ANO2: variants seen among roughly 807,000 people sequenced by gnomAD.
The protein encoded by ANO2 is anoctamin-2.
ANO2 carries 101 observed loss-of-function variants against 124.2 expected under a neutral mutation model. The ratio of observed to expected loss-of-function variants is 0.81; its 90% CI spans 0.69 to 0.96. The LOEUF (loss-of-function observed/expected upper bound fraction) is 0.96, where lower values mean the gene tolerates loss of function less well. Among genes scored for constraint, ANO2 ranks in the 40% least tolerant of loss-of-function variants. The pLI is 0.00. For missense variants in ANO2, 1,293 were observed against 1,274.5 expected (o/e 1.01, Z -0.22); for synonymous variants, 486 against 482.5 (o/e 1.01, Z -0.09).
chr12:5,614,357 G>T (rs1041262517), intron 17 of ANO2, among the ~76,000 whole-genome samples: 3 of 152,314 alleles, frequency 2.0e-5, no homozygotes, highest in Non-Finnish European at 4.4e-5. Context: ...GGCAGGCCAT[G>T]CCAGAAAGAT....
At chr12:5,650,434 C>T (rs1946863399) in intron 14 of ANO2, among the ~76,000 whole-genome samples, 1 of 152,150 alleles carries the variant, frequency 6.6e-6, no homozygotes, top group African/African-American at 2.4e-5. Context: ...CTGGAAGTCA[C>T]AGCTCCCAAC....
chr12:5,827,863 C>G lies in ANO2; in HGVS notation c.841-43G>C, dbSNP rs780882158. On this transcript the variant is annotated intron_variant, in intron 6 of 24. Transcript: ENST00000682330. Reference sequence around the variant, plus strand: ...CAGAGCTGTGAGCTCCTAGTTCCCCCCCGCCCTCCACCGTGTGTCACCCTC... The same window carrying G: ...CAGAGCTGTGAGCTCCTAGTTCCCCGCCGCCCTCCACCGTGTGTCACCCTC... 5 of 1,584,780 alleles carry G rather than the reference C, an allele frequency of 3.2e-6. No homozygotes were observed. The African/African-American group carries it at 4.0e-5, about 13-fold the overall frequency.
chr12:5,817,812 C>G (rs113218611), intron 7 of ANO2, among the ~76,000 whole-genome samples: 4 of 151,888 alleles, frequency 2.6e-5, no homozygotes, highest in Non-Finnish European at 5.9e-5. Context: ...GAAACAGGAG[C>G]AAAAATAGAT....
chr12:5,796,402 A>G (rs185718964), intron 10 of ANO2, among the ~76,000 whole-genome samples: 171 of 150,578 alleles, frequency 1.1e-3, no homozygotes, highest in Admixed American at 3.1e-3. Context: ...ATTCTCTGGC[A>G]CACACACACA....
intron 19 of ANO2, among the ~76,000 whole-genome samples, chr12:5,607,713 A>T (rs1305977661): frequency 6.6e-6 from 1 of 152,128 alleles, no homozygotes; most frequent in Admixed American, 6.6e-5. Context: ...TCAGATTCTC[A>T]CAGGAGCGTG....
At chr12:5,859,698 A>T (rs76938500) in intron 3 of ANO2, among the ~76,000 whole-genome samples, 2,632 of 152,162 alleles carry the variant, frequency 0.017, 69 homozygotes, top group African/African-American at 0.056. Flanking sequence ...ATACCCAGCT[A>T]ATTTTTAAAT....
intron 19 of ANO2, among the ~76,000 whole-genome samples, chr12:5,610,517 A>G (rs2136901591): frequency 7.1e-6 from 1 of 140,004 alleles, no homozygotes; most frequent in South Asian, 2.2e-4. Context: ...TTTATATACA[A>G]ATTTTTATAT....
chr12:5,864,053 G>A (rs1955354317), intron 3 of ANO2, among the ~76,000 whole-genome samples: 1 of 152,144 alleles, frequency 6.6e-6, no homozygotes, highest in Non-Finnish European at 1.5e-5. Context: ...GGTACTCAAA[G>A]CACAGGGCAT....
intron 4 of ANO2, among the ~76,000 whole-genome samples, chr12:5,844,671 T>C (rs895557646): frequency 6.6e-6 from 1 of 152,174 alleles, no homozygotes; most frequent in Non-Finnish European, 1.5e-5. Context: ...GACAATATCA[T>C]TTTTAAAAAT....
chr12:5,750,631 C>G (rs1951404743), intron 11 of ANO2, among the ~76,000 whole-genome samples: 1 of 152,340 alleles, frequency 6.6e-6, no homozygotes, highest in South Asian at 2.1e-4. Context: ...AGGAAGTAGG[C>G]CTCGCCTAGC....
chr12:5,681,185 A>G (rs908405326), intron 14 of ANO2, among the ~76,000 whole-genome samples: 9 of 152,230 alleles, frequency 5.9e-5, no homozygotes, highest in African/African-American at 2.2e-4. Context: ...CCAGAGCAAC[A>G]GGCAGCATTT....
chr12:5,572,463 G>T (rs1942182165), intron 23 of ANO2, among the ~76,000 whole-genome samples: 2 of 152,184 alleles, frequency 1.3e-5, no homozygotes, highest in South Asian at 4.1e-4. Context: ...AAACACTTAA[G>T]TCTGTGTTAG....
chr12:5,896,074 C>G (rs968538148), intron 3 of ANO2, among the ~76,000 whole-genome samples: 1 of 152,110 alleles, frequency 6.6e-6, no homozygotes, highest in African/African-American at 2.4e-5. Context: ...TAAGTGGGAG[C>G]TAAGCTATGA....
At chr12:5,739,531 C>G in intron 12 of ANO2, 132 bp from the exon 13 acceptor site, 1 of 673,154 alleles carries the variant, frequency 1.5e-6, no homozygotes, top group Non-Finnish European at 2.5e-6. Context: ...CATTTAGCCT[C>G]TTTTTCCCAC....
At chr12:5,917,147 C>T (rs1327140538) in intron 3 of ANO2, among the ~76,000 whole-genome samples, 2 of 152,052 alleles carry the variant, frequency 1.3e-5, no homozygotes, top group East Asian at 1.9e-4. Context: ...ACTGGTCAGT[C>T]GCAAGAGCCA....
At chr12:5,665,118 C>T (rs1212451863) in intron 14 of ANO2, among the ~76,000 whole-genome samples, 1 of 152,188 alleles carries the variant, frequency 6.6e-6, no homozygotes, top group Non-Finnish European at 1.5e-5. Context: ...TGCCCTTCAG[C>T]TCCGTTTCTT....
At chr12:5,723,944 A>G (rs1950335261) in intron 14 of ANO2, among the ~76,000 whole-genome samples, 1 of 152,144 alleles carries the variant, frequency 6.6e-6, no homozygotes, top group Non-Finnish European at 1.5e-5. Flanking sequence ...CTGGTCTGAG[A>G]GCACAGGGGC....
In ANO2 at chr12:5,563,431, C is replaced by A; in HGVS notation, c.2865G>T (p.Leu955=). The A allele has an allele frequency of 1.9e-6, 3 of 1,613,350 alleles. No individual in the cohort carries two copies. Among genetic ancestry groups the A allele is most frequent in the Non-Finnish European group, 2.5e-6 (3 of 1,179,698 alleles). Residue 955 remains leucine, a synonymous_variant, in exon 25 of 25, where the codon CTG becomes CTT. Transcript: ENST00000682330. ...FLKEEHEKLK[L]MDEPALRSPG... is the part of the protein sequence containing the mutation. Reference sequence around the variant, plus strand: ...GGCTCCTCAGAGCCGGCTCATCCATCAGCTTGAGCTTCTCATGCTCCTCTT... The same window carrying A: ...GGCTCCTCAGAGCCGGCTCATCCATAAGCTTGAGCTTCTCATGCTCCTCTT...
In ANO2 at chr12:5,563,386, G is replaced by C; in HGVS notation, c.2910C>G (p.Ser970Arg). Residue 970 changes from serine (S) to arginine (R), a missense_variant, in exon 25 of 25, where the codon AGC (serine) becomes AGG (arginine). Ser to Arg is a moderately radical substitution (Grantham distance 110). Transcript: ENST00000682330. ...GTGCTGAGCTGGCTGCCCGGCTCCT[G>C]CTTCGATCCCCACCTCCTGGGCTCC... ...ALRSPGGGDR[S>R]RSRAASSAPS... 2 of 1,607,044 alleles carry C rather than the reference G, an allele frequency of 1.2e-6. No homozygotes were observed. The highest frequency in any genetic ancestry group is 1.7e-6 in the Non-Finnish European group (2 of 1,177,266).
Sources: gnomAD v4.1 joint callset for allele counts (sites outside exome capture counted in the v4.1 genomes callset) on GRCh38, gnomAD v4.1.1 for gene constraint, MANE v1.5 for transcripts, NCBI Gene and HGNC (gene_info 2026-07-23, HGNC 2026-07-21) for gene names.